The following AGMO variants were observed in gnomAD, a reference collection of about 807,000 sequenced individuals.
AGMO encodes glyceryl-ether monooxygenase.
Under a neutral mutation model 60.2 loss-of-function variants are expected in AGMO, and 75 were observed. The ratio of observed to expected loss-of-function variants is 1.25; its 90% CI spans 1.03 to 1.51. AGMO has a LOEUF of 1.51. Among genes scored for constraint, AGMO ranks in the 40% most tolerant of loss-of-function variants. AGMO has a pLI of 0.00. For synonymous variants in AGMO, 261 were observed against 177.1 expected, an observed-to-expected ratio of 1.47 and a Z score of -3.76; for missense variants, 763 against 525.5, an observed-to-expected ratio of 1.45 and a Z score of -4.42.
chr7:15,355,841 T>C (rs1392851571), intron 12 of AGMO, among the ~76,000 whole-genome samples: 2 of 152,072 alleles, frequency 1.3e-5, no homozygotes, highest in African/African-American at 2.4e-5. Context: ...GAGAAGATAC[T>C]TTCAATAAAC....
intron 12 of AGMO, among the ~76,000 whole-genome samples, chr7:15,339,618 C>T (rs576671397): frequency 1.3e-4 from 20 of 151,942 alleles, no homozygotes; most frequent in Non-Finnish European, 2.8e-4. Context: ...CAGGGCAGTC[C>T]CATTGAAGAA....
chr7:15,184,309 GGGAGGGAA>G, the AGMO span, among the ~76,000 whole-genome samples: 17 of 92,124 alleles, frequency 1.8e-4, 1 homozygote, highest in African/African-American at 3.6e-4. Flanking sequence ...CAGGCAGGGA[GGGAGGGAA>G]GGAGGGAAGG....
intron 12 of AGMO, among the ~76,000 whole-genome samples, chr7:15,320,373 G>C (rs1005366091): frequency 1.3e-5 from 2 of 151,836 alleles, no homozygotes; most frequent in African/African-American, 4.8e-5. Context: ...ATATATTTTA[G>C]TCACCATTTC....
At chr7:15,301,888 G>T (rs906705510) in intron 12 of AGMO, among the ~76,000 whole-genome samples, 4 of 152,056 alleles carry the variant, frequency 2.6e-5, no homozygotes, top group African/African-American at 9.7e-5. Flanking sequence ...AGGCAAAAGT[G>T]CCTAAGGCTC....
chr7:15,372,944 A>C (rs1253060664), intron 10 of AGMO, among the ~76,000 whole-genome samples: 4 of 152,112 alleles, frequency 2.6e-5, no homozygotes, highest in African/African-American at 7.2e-5. Flanking sequence ...TGAGGCAATA[A>C]ATTATTTTTC....
chr7:15,173,360 G>T, the AGMO span, among the ~76,000 whole-genome samples: 1 of 151,990 alleles, frequency 6.6e-6, no homozygotes, highest in East Asian at 1.9e-4. Context: ...TGATAGGAAG[G>T]GATAAAATGT....
At chr7:15,200,229 T>C (rs1168545708), downstream of AGMO, 1 of 152,154 alleles carries the variant, frequency 6.6e-6, no homozygotes, top group African/African-American at 2.4e-5. Context: ...TCTCATTCTT[T>C]GGACTTCATC....
At chr7:15,274,822 G>A (rs944573412) in intron 12 of AGMO, among the ~76,000 whole-genome samples, 1 of 150,892 alleles carries the variant, frequency 6.6e-6, no homozygotes, top group African/African-American at 2.4e-5. Context: ...TTTCCTCTAG[G>A]TTTTCTAGTT....
At chr7:15,198,454 A>C (rs1220339331), downstream of AGMO, among the ~76,000 whole-genome samples, 2 of 152,200 alleles carry the variant, frequency 1.3e-5, no homozygotes, top group African/African-American at 4.8e-5. Context: ...TTAATAATGC[A>C]CAGAGGCCCT....
intron 12 of AGMO, among the ~76,000 whole-genome samples, chr7:15,338,747 T>C (rs1271697382): frequency 6.6e-6 from 1 of 152,192 alleles, no homozygotes; most frequent in Non-Finnish European, 1.5e-5. Context: ...ATTTAACCTC[T>C]TGTAACTACT....
chr7:15,481,856 AT>A (rs1220456241), intron 3 of AGMO, among the ~76,000 whole-genome samples: 1 of 133,726 alleles, frequency 7.5e-6, no homozygotes, highest in East Asian at 2.2e-4. Context: ...ATAGCAGTGT[AT>A]GTTCTCTGAA....
chr7:15,473,314 G>A (rs879079815), intron 3 of AGMO, among the ~76,000 whole-genome samples: 2 of 151,910 alleles, frequency 1.3e-5, no homozygotes, highest in Non-Finnish European at 2.9e-5. Flanking sequence ...AATTCTACTA[G>A]AGGTACAAAG....
At chr7:15,173,602 A>T in the AGMO span, among the ~76,000 whole-genome samples, 1 of 152,108 alleles carries the variant, frequency 6.6e-6, no homozygotes, top group Non-Finnish European at 1.5e-5. Flanking sequence ...CTACAAATGA[A>T]ATATAAAATA....
chr7:15,366,210 C>G lies in AGMO; in HGVS notation c.1087G>C (p.Val363Leu). 1.2e-6 allele frequency: 2 copies of G among 1,605,368 alleles called. No individual in the cohort carries two copies. Among genetic ancestry groups the G allele is most frequent in the South Asian group, 1.1e-5 (1 of 89,704 alleles). Residue 363 changes from valine (V) to leucine (L), a missense_variant, in exon 11 of 13, where the codon GTT (valine) becomes CTT (leucine). Transcript: ENST00000342526. ...TFADTAALSQ[V>L]TLLLRVCFII... ...AAGCAAACCCTCAGAAGGAGAGTAA[C>G]TTGCGACAGTGCCTGTCAAACAAAC...
chr7:15,542,519 G>C (rs1261156204), intron 3 of AGMO, among the ~76,000 whole-genome samples: 1 of 152,106 alleles, frequency 6.6e-6, no homozygotes, highest in Non-Finnish European at 1.5e-5. Context: ...GGCTTTCCAG[G>C]AGTAAACAAA....
chr7:15,182,318 C>G, the AGMO span, among the ~76,000 whole-genome samples: 1 of 152,098 alleles, frequency 6.6e-6, no homozygotes, highest in Non-Finnish European at 1.5e-5. Flanking sequence ...TTTAATGCCA[C>G]AGAACTGTGT....
chr7:15,210,280 T>C (rs1463507527), intron 12 of AGMO, among the ~76,000 whole-genome samples: 1 of 152,182 alleles, frequency 6.6e-6, no homozygotes, highest in Non-Finnish European at 1.5e-5. Context: ...CATTTTCTTT[T>C]TCATATGTTC....
At chr7:15,361,546 A>ACAAAAAAAAAAAAAAAAAAAAAAG (rs1782758401) in intron 12 of AGMO, among the ~76,000 whole-genome samples, 1 of 91,408 alleles carries the variant, frequency 1.1e-5, no homozygotes, top group Non-Finnish European at 2.2e-5. Context: ...TCTCAAAAAA[A>ACAAAAAAAAAAAAAAAAAAAAAAG]AAAAAAAAGG....
chr7:15,336,495 A>C (rs1307840709), intron 12 of AGMO, among the ~76,000 whole-genome samples: 1 of 152,142 alleles, frequency 6.6e-6, no homozygotes, highest in Non-Finnish European at 1.5e-5. Context: ...CCCAAAATCA[A>C]TCTTACTAAT....
Sources: allele counts gnomAD v4.1 joint callset (sites outside exome capture counted in the v4.1 genomes callset), GRCh38; gene constraint gnomAD v4.1.1; transcripts MANE v1.5; gene names NCBI Gene and HGNC (gene_info 2026-07-23, HGNC 2026-07-21).